NUCB2: variants seen among roughly 807,000 people sequenced by gnomAD.
The protein encoded by NUCB2 is nucleobindin 2, also known as nucleobindin-2.
In NUCB2, 48 loss-of-function variants were observed where a neutral mutation model predicts 57.9. The ratio of observed to expected loss-of-function variants is 0.83; its 90% CI spans 0.66 to 1.05. NUCB2 has a LOEUF of 1.05. NUCB2 is among the 50% of genes least tolerant of loss of function. NUCB2 has a pLI of 0.00. For missense variants in NUCB2, 442 were observed against 476.2 expected, an observed-to-expected ratio of 0.93 and a Z score of 0.67; for synonymous variants, 139 against 152.1, an observed-to-expected ratio of 0.91 and a Z score of 0.64.
intron 11 of NUCB2, among the ~76,000 whole-genome samples, chr11:17,317,988 T>TC (rs1949495358): frequency 1.3e-5 from 2 of 150,418 alleles, no homozygotes; most frequent in South Asian, 4.2e-4. Context: ...TTTTTTTTTT[T>TC]TTTTTTTTAA....
At chr11:17,286,369 A>G (rs1565369741) in intron 2 of NUCB2, among the ~76,000 whole-genome samples, 1 of 152,198 alleles carries the variant, frequency 6.6e-6, no homozygotes, top group Admixed American at 6.5e-5. Context: ...GAGACAGGGG[A>G]AGAGAGATTA....
chr11:17,317,457 C>A, intron 11 of NUCB2: 1 of 231,970 alleles, frequency 4.3e-6, no homozygotes, highest in East Asian at 1.1e-4. Context: ...ATTATCAATA[C>A]TACACACATG....
chr11:17,336,317 C>A (rs1342390816), downstream of NUCB2, among the ~76,000 whole-genome samples: 1 of 152,032 alleles, frequency 6.6e-6, no homozygotes, highest in Non-Finnish European at 1.5e-5. Context: ...TGAGCATTTT[C>A]TTTGAGCATC....
chr11:17,343,503 C>T (rs1478830952), intron 2 of NUCB2, among the ~76,000 whole-genome samples: 1 of 152,108 alleles, frequency 6.6e-6, no homozygotes, highest in African/African-American at 2.4e-5. Context: ...GCAGTCTGTG[C>T]CATGTTGTAT....
intron 11 of NUCB2, among the ~76,000 whole-genome samples, chr11:17,319,594 G>A (rs910172076): frequency 3.9e-5 from 6 of 152,018 alleles, no homozygotes; most frequent in African/African-American, 1.5e-4. Flanking sequence ...ACACATACAT[G>A]CACACATACA....
intron 10 of NUCB2, among the ~76,000 whole-genome samples, chr11:17,313,925 A>G (rs2139011149): frequency 6.6e-6 from 1 of 152,164 alleles, no homozygotes; most frequent in Admixed American, 6.5e-5. Flanking sequence ...CTATATCTGC[A>G]TGTATGCTGG....
chr11:17,303,790 C>T (rs900448189), intron 5 of NUCB2, among the ~76,000 whole-genome samples: 2 of 149,960 alleles, frequency 1.3e-5, no homozygotes, highest in African/African-American at 4.9e-5. Flanking sequence ...AAGGCTGAGG[C>T]AGGAGAATCG....
At chr11:17,345,901 A>G (rs571606707) in intron 2 of NUCB2, among the ~76,000 whole-genome samples, 5 of 152,290 alleles carry the variant, frequency 3.3e-5, no homozygotes, top group African/African-American at 1.2e-4. Flanking sequence ...CAGAGACTTT[A>G]TATAATTTTT....
At chr11:17,309,175 G>T (rs991165599) in intron 5 of NUCB2, among the ~76,000 whole-genome samples, 1 of 151,942 alleles carries the variant, frequency 6.6e-6, no homozygotes. Flanking sequence ...AAAGAAATTA[G>T]CCAGGCGTAG....
At chr11:17,343,210 T>C (rs896952555) in intron 2 of NUCB2, among the ~76,000 whole-genome samples, 1 of 152,130 alleles carries the variant, frequency 6.6e-6, no homozygotes, top group African/African-American at 2.4e-5. Context: ...TGTGTGTCTC[T>C]GCACATGAGA....
At chr11:17,319,225 G>A (rs539990972) in intron 11 of NUCB2, among the ~76,000 whole-genome samples, 167 of 151,680 alleles carry the variant, frequency 1.1e-3, no homozygotes, top group Admixed American at 2.6e-3. Context: ...TAGACTCATG[G>A]CTTCTTTTAT....
intron 11 of NUCB2, among the ~76,000 whole-genome samples, chr11:17,329,274 C>T (rs1462582085): frequency 6.6e-6 from 1 of 152,196 alleles, no homozygotes; most frequent in African/African-American, 2.4e-5. Context: ...CACAAGCGTT[C>T]CCTTAGCCTC....
At chr11:17,296,235 A>G (rs1945794890) in intron 4 of NUCB2, 24 bp downstream of exon 4, 3 of 1,391,768 alleles carry the variant, frequency 2.2e-6, no homozygotes, top group African/African-American at 2.9e-5. Flanking sequence ...AATAATATAT[A>G]CATATATGTA....
intron 2 of NUCB2, among the ~76,000 whole-genome samples, chr11:17,287,913 G>A (rs192525035): frequency 1.3e-5 from 2 of 152,044 alleles, no homozygotes; most frequent in African/African-American, 4.8e-5. Flanking sequence ...GGCAGGAATC[G>A]CTTGAACCCA....
At chr11:17,282,258 A>ATATATATAT (rs1388672393) in intron 1 of NUCB2, among the ~76,000 whole-genome samples, 2 of 103,472 alleles carry the variant, frequency 1.9e-5, no homozygotes, top group South Asian at 3.4e-4. Flanking sequence ...ATATATATAT[A>ATATATATAT]TTTTTTTTTT....
At position 17,278,813 on chromosome 11, in the gene NUCB2, C is replaced by G. The variant is rs893053039; in HGVS notation, c.-156+1985C>G. Among the ~76,000 whole-genome samples, 3 of 152,072 alleles carry G rather than the reference C, an allele frequency of 2.0e-5. No homozygotes were observed. In the East Asian group the frequency reaches 5.8e-4, roughly 29 times the overall value. ...AAATTACTTTCCACTTTCTAAGGAC[C>G]CTTTTGAAGGCTGGGTTCTACAAAA... On this transcript the variant is annotated intron_variant, in intron 1 of 13. Transcript: ENST00000529010.
chr11:17,322,903 G>C (rs1230814601), intron 11 of NUCB2, among the ~76,000 whole-genome samples: 1 of 151,680 alleles, frequency 6.6e-6, no homozygotes, highest in Non-Finnish European at 1.5e-5. Flanking sequence ...ATATAGAAAT[G>C]CTGCTGATTT....
At chr11:17,328,836 G>C (rs181507088) in intron 11 of NUCB2, among the ~76,000 whole-genome samples, 1 of 152,062 alleles carries the variant, frequency 6.6e-6, no homozygotes, top group Admixed American at 6.5e-5. Context: ...GACAAAAATC[G>C]CCTTTACTTT....
At position 17,331,526 on chromosome 11, in the gene NUCB2, T is replaced by C. The variant is rs1306688811; in HGVS notation, c.*107T>C. The stretch of plus-strand genomic sequence containing the variant: ...GCTCAATAAATATTTTAAAAGCATA[T>C]TTGAAATAAAGGGAGATACTTTTTA... On this transcript the variant is annotated 3_prime_UTR_variant, in exon 14 of 14. Coordinates refer to ENST00000529010, the MANE Select transcript of NUCB2 (RefSeq NM_005013.4). 1.5e-6 allele frequency: 1 copy of C among 689,160 alleles called. No homozygotes were observed. The highest frequency in any genetic ancestry group is 1.8e-5 in the African/African-American group (1 of 54,102). 42.7% of individuals were successfully genotyped at this position (689,160 alleles called of 1,614,324 possible).
Sources: gnomAD v4.1 joint callset for allele counts (sites outside exome capture counted in the v4.1 genomes callset) on GRCh38, gnomAD v4.1.1 for gene constraint, MANE v1.5 for transcripts, NCBI Gene and HGNC (gene_info 2026-07-23, HGNC 2026-07-21) for gene names.